Variants in BCKDHB observed in about 807,000 individuals in gnomAD.
BCKDHB encodes the protein branched chain keto acid dehydrogenase E1 subunit beta.
BCKDHB carries 41 observed loss-of-function variants against 48.5 expected under a neutral mutation model. That is an observed-to-expected ratio of 0.85 (90% CI 0.66 to 1.10). BCKDHB has a LOEUF of 1.10. Among genes scored for constraint, BCKDHB ranks in the 50% least tolerant of loss-of-function variants. BCKDHB has a pLI of 0.00. For synonymous variants in BCKDHB, 201 were observed against 174.8 expected, an observed-to-expected ratio of 1.15 and a Z score of -1.18; for missense variants, 496 against 494.2, an observed-to-expected ratio of 1.00 and a Z score of -0.03.
At chr6:80,385,262 C>T in the BCKDHB span, among the ~76,000 whole-genome samples, 1 of 152,140 alleles carries the variant, frequency 6.6e-6, no homozygotes, top group East Asian at 1.9e-4. Flanking sequence ...TCTTATCTCC[C>T]ATGGAGAAAG....
At chr6:80,186,487 C>A (rs553915652) in intron 6 of BCKDHB, among the ~76,000 whole-genome samples, 1 of 152,162 alleles carries the variant, frequency 6.6e-6, no homozygotes, top group Non-Finnish European at 1.5e-5. Flanking sequence ...AGACTACAAG[C>A]CTTCCTGCTG....
chr6:80,182,490 T>C (rs1009244684), intron 6 of BCKDHB, among the ~76,000 whole-genome samples: 2 of 152,198 alleles, frequency 1.3e-5, no homozygotes, highest in African/African-American at 4.8e-5. Context: ...GGTAGAGTGA[T>C]TTATTTTTGT....
the BCKDHB span, among the ~76,000 whole-genome samples, chr6:80,360,758 C>G: frequency 4.6e-4 from 70 of 152,124 alleles, no homozygotes; most frequent in African/African-American, 1.6e-3. Context: ...GTAATCCCAG[C>G]ACTTTGGGAG....
intron 9 of BCKDHB, among the ~76,000 whole-genome samples, chr6:80,292,124 C>G (rs1222430338): frequency 6.6e-6 from 1 of 152,092 alleles, no homozygotes; most frequent in African/African-American, 2.4e-5. Flanking sequence ...GGTCAGGAAC[C>G]CTGTACAGGA....
At chr6:80,275,607 T>C (rs978652728) in intron 9 of BCKDHB, among the ~76,000 whole-genome samples, 6 of 152,172 alleles carry the variant, frequency 3.9e-5, no homozygotes, top group Middle Eastern at 3.4e-3. Flanking sequence ...ATGATATCCA[T>C]AAATGTTTGC....
the BCKDHB span, among the ~76,000 whole-genome samples, chr6:80,456,163 C>T: frequency 1.3e-5 from 2 of 151,180 alleles, no homozygotes; most frequent in East Asian, 1.9e-4. Flanking sequence ...TGCAGTGAGC[C>T]GAGATTGCAC....
the BCKDHB span, among the ~76,000 whole-genome samples, chr6:80,360,591 T>A: frequency 6.6e-6 from 1 of 152,202 alleles, no homozygotes; most frequent in Admixed American, 6.5e-5. Context: ...TGCCATTTTT[T>A]TATTAGAAGA....
At chr6:80,419,266 CG>C in the BCKDHB span, among the ~76,000 whole-genome samples, 2 of 152,154 alleles carry the variant, frequency 1.3e-5, no homozygotes, top group Non-Finnish European at 2.9e-5. Context: ...TGGGCTGTTG[CG>C]TGGCTTTAGG....
intron 6 of BCKDHB, among the ~76,000 whole-genome samples, chr6:80,186,017 G>A (rs1305140193): frequency 1.3e-5 from 2 of 152,158 alleles, no homozygotes; most frequent in African/African-American, 4.8e-5. Flanking sequence ...ATTCTGTTAT[G>A]TCTTGAGTTG....
intron 8 of BCKDHB, among the ~76,000 whole-genome samples, chr6:80,249,301 A>G (rs1161004201): frequency 6.6e-6 from 1 of 152,102 alleles, no homozygotes; most frequent in African/African-American, 2.4e-5. Context: ...GGGAGGAGCC[A>G]CATTAACTTT....
the BCKDHB span, among the ~76,000 whole-genome samples, chr6:80,421,824 A>G: frequency 6.6e-6 from 1 of 152,208 alleles, no homozygotes; most frequent in Non-Finnish European, 1.5e-5. Flanking sequence ...GGTCATATGC[A>G]TTCACAAAGA....
At chr6:80,323,919 C>G (rs929135050) in intron 9 of BCKDHB, among the ~76,000 whole-genome samples, 3 of 152,094 alleles carry the variant, frequency 2.0e-5, no homozygotes, top group Non-Finnish European at 2.9e-5. Flanking sequence ...ACTACAGGCG[C>G]CCGCCACTAC....
chr6:80,176,302 A>G (rs1417844090), intron 6 of BCKDHB, among the ~76,000 whole-genome samples: 1 of 152,150 alleles, frequency 6.6e-6, no homozygotes, highest in Non-Finnish European at 1.5e-5. Flanking sequence ...GCTGATTTTA[A>G]ATATATACTG....
At chr6:80,466,278 T>C in the BCKDHB span, among the ~76,000 whole-genome samples, 1 of 152,198 alleles carries the variant, frequency 6.6e-6, no homozygotes, top group Non-Finnish European at 1.5e-5. Flanking sequence ...TTACACTTTC[T>C]ATTTCTCTTA....
chr6:80,323,273 C>A (rs531755814), intron 9 of BCKDHB, among the ~76,000 whole-genome samples: 5 of 152,190 alleles, frequency 3.3e-5, no homozygotes, highest in Middle Eastern at 6.8e-3. Flanking sequence ...CCACTTTCTT[C>A]ATTTGTTTTC....
At chr6:80,449,157 T>G in the BCKDHB span, among the ~76,000 whole-genome samples, 1 of 152,206 alleles carries the variant, frequency 6.6e-6, no homozygotes, top group Non-Finnish European at 1.5e-5. Context: ...TTCAGATTCT[T>G]TTAATCTAGA....
At chr6:80,163,311 C>CTTTTTTTTTT (rs34383985) in intron 3 of BCKDHB, among the ~76,000 whole-genome samples, 1 of 138,100 alleles carries the variant, frequency 7.2e-6, no homozygotes, top group Non-Finnish European at 1.6e-5. Context: ...TGCAATTAAG[C>CTTTTTTTTTT]TTTTTTTTTT....
At chr6:80,390,237 G>C in the BCKDHB span, among the ~76,000 whole-genome samples, 1 of 152,146 alleles carries the variant, frequency 6.6e-6, no homozygotes, top group South Asian at 2.1e-4. Context: ...CTGTGATTAA[G>C]GTCAATGGGA....
chr6:80,379,172 C>T, the BCKDHB span, among the ~76,000 whole-genome samples: 1 of 151,814 alleles, frequency 6.6e-6, no homozygotes. Context: ...CTGACAAATG[C>T]AAAAGCAAAT....
Sources: gnomAD v4.1 joint callset for allele counts (sites outside exome capture counted in the v4.1 genomes callset) on GRCh38, gnomAD v4.1.1 for gene constraint, MANE v1.5 for transcripts, NCBI Gene and HGNC (gene_info 2026-07-23, HGNC 2026-07-21) for gene names.